UVRAG: variants seen among roughly 807,000 people sequenced by gnomAD.
UVRAG encodes UV radiation resistance associated.
A neutral mutation model predicts 78.0 loss-of-function variants in UVRAG; 19 were observed. That is an observed-to-expected ratio of 0.24 (90% CI 0.17 to 0.36). The LOEUF (loss-of-function observed/expected upper bound fraction) is 0.36, where lower values mean the gene tolerates loss of function less well. Ranked by LOEUF, UVRAG falls within the 10% of genes least tolerant of loss-of-function variation. UVRAG has a pLI of 1.00. For synonymous variants in UVRAG, 323 were observed against 324.6 expected (o/e 1.00, Z 0.05); for missense variants, 740 against 853.8 (o/e 0.87, Z 1.66).
intron 1 of UVRAG, among the ~76,000 whole-genome samples, chr11:75,832,981 G>A (rs1039478032): frequency 1.3e-5 from 2 of 152,156 alleles, no homozygotes; most frequent in African/African-American, 4.8e-5. Flanking sequence ...TCATACCAGT[G>A]TCACAGAGAA....
intron 12 of UVRAG, among the ~76,000 whole-genome samples, chr11:76,058,534 CA>C (rs71471400): frequency 1.1e-3 from 125 of 111,312 alleles, no homozygotes; most frequent in Admixed American, 1.9e-3. Context: ...ACCCTATCTC[CA>C]AAAAAAAAAA....
At chr11:76,041,693 A>T (rs1950650707) in intron 12 of UVRAG, among the ~76,000 whole-genome samples, 1 of 152,184 alleles carries the variant, frequency 6.6e-6, no homozygotes, top group South Asian at 2.1e-4. Context: ...TGTAACCTGG[A>T]TCCATATAGG....
chr11:75,976,263 G>A (rs907178192), intron 7 of UVRAG, among the ~76,000 whole-genome samples: 2 of 152,180 alleles, frequency 1.3e-5, no homozygotes, highest in African/African-American at 2.4e-5. Context: ...GCTGGATTCA[G>A]TTTGCCAGTG....
chr11:76,008,017 C>T (rs763093741), intron 10 of UVRAG, among the ~76,000 whole-genome samples: 4 of 152,074 alleles, frequency 2.6e-5, no homozygotes, highest in Non-Finnish European at 5.9e-5. Context: ...ACGCCATTCT[C>T]CTGCCTCAGC....
At chr11:75,875,508 T>G (rs1946750858) in intron 3 of UVRAG, among the ~76,000 whole-genome samples, 1 of 152,024 alleles carries the variant, frequency 6.6e-6, no homozygotes, top group African/African-American at 2.4e-5. Flanking sequence ...AAATTGCTAC[T>G]TATCTCTTTA....
At chr11:75,856,242 A>G (rs1040647593) in intron 2 of UVRAG, among the ~76,000 whole-genome samples, 2 of 152,110 alleles carry the variant, frequency 1.3e-5, no homozygotes, top group African/African-American at 4.8e-5. Context: ...TGACCTCGTG[A>G]TCCGCCTGCC....
At chr11:75,930,132 A>G (rs1948203825) in intron 6 of UVRAG, among the ~76,000 whole-genome samples, 3 of 152,196 alleles carry the variant, frequency 2.0e-5, no homozygotes, top group Admixed American at 1.3e-4. Context: ...TAATTCTTTC[A>G]GCAACCAGGG....
chr11:75,985,418 T>C (rs1390822265), intron 8 of UVRAG, among the ~76,000 whole-genome samples: 2 of 152,002 alleles, frequency 1.3e-5, no homozygotes, highest in Non-Finnish European at 2.9e-5. Context: ...ACTGTCTTTT[T>C]GTTTGTAAGA....
At chr11:75,903,644 C>T (rs139217591) in intron 5 of UVRAG, among the ~76,000 whole-genome samples, 2 of 152,272 alleles carry the variant, frequency 1.3e-5, no homozygotes, top group Non-Finnish European at 2.9e-5. Flanking sequence ...TCCTGCTCTA[C>T]CAGATGGAAT....
intron 3 of UVRAG, among the ~76,000 whole-genome samples, chr11:75,872,683 G>A (rs894355755): frequency 1.3e-5 from 2 of 152,054 alleles, no homozygotes; most frequent in Non-Finnish European, 2.9e-5. Flanking sequence ...CACCACTCCC[G>A]GCCTGCTGGC....
chr11:76,036,126 C>G (rs1950529658), intron 12 of UVRAG, among the ~76,000 whole-genome samples: 1 of 152,146 alleles, frequency 6.6e-6, no homozygotes, highest in Non-Finnish European at 1.5e-5. Flanking sequence ...CTCAGAATAT[C>G]TATTTAATGT....
chr11:75,910,675 A>G (rs906012636), intron 5 of UVRAG, among the ~76,000 whole-genome samples: 2 of 152,088 alleles, frequency 1.3e-5, no homozygotes, highest in Non-Finnish European at 2.9e-5. Context: ...CAATAGGGAA[A>G]GAGTAATTCA....
At chr11:75,846,025 T>G (rs1946026037) in intron 1 of UVRAG, among the ~76,000 whole-genome samples, 1 of 152,264 alleles carries the variant, frequency 6.6e-6, no homozygotes, top group African/African-American at 2.4e-5. Context: ...TTTACTTTCC[T>G]GAGATATTTG....
intron 14 of UVRAG, among the ~76,000 whole-genome samples, chr11:76,133,290 G>T (rs1952543919): frequency 6.6e-6 from 1 of 152,148 alleles, no homozygotes; most frequent in South Asian, 2.1e-4. Flanking sequence ...GAGCAGTGAG[G>T]TGCATCATCA....
chr11:75,827,846 T>G (rs1034143416), intron 1 of UVRAG, among the ~76,000 whole-genome samples: 3 of 152,166 alleles, frequency 2.0e-5, no homozygotes, highest in African/African-American at 7.2e-5. Flanking sequence ...AAAACTAAAC[T>G]TTTAAACAAT....
At chr11:75,879,047 A>G (rs556518931) in intron 3 of UVRAG, among the ~76,000 whole-genome samples, 1 of 152,328 alleles carries the variant, frequency 6.6e-6, no homozygotes, top group South Asian at 2.1e-4. Context: ...CACTTTTCAG[A>G]GAGGGTTTCG....
In UVRAG at chr11:76,142,977, T is replaced by C. The variant is rs962928859; in HGVS notation, c.*1564T>C. On this transcript the variant is annotated 3_prime_UTR_variant, in exon 15 of 15. Coordinates refer to ENST00000356136, the MANE Select transcript of UVRAG (RefSeq NM_003369.4). ...ACTCACAGGATGACTACATCACAAA[T>C]AAACCCAACTCTCAGGCAGTCGAAA... The C allele has an allele frequency of 1.3e-5, 2 of 152,192 alleles. No individual in the cohort carries two copies. Among genetic ancestry groups the C allele is most frequent in the Non-Finnish European group, 2.9e-5 (2 of 68,042 alleles). The allele number at this position is 152,192 out of a possible 1,614,324, so 9.4% of individuals were successfully genotyped here. A position where few individuals can be genotyped will look rare whatever the true frequency, so the allele number is the denominator to read the frequency against.
chr11:75,918,397 A>G (rs1252259191), intron 6 of UVRAG, among the ~76,000 whole-genome samples: 1 of 151,090 alleles, frequency 6.6e-6, no homozygotes, highest in African/African-American at 2.4e-5. Context: ...AAAAAAAAAG[A>G]TACATGAATT....
chr11:75,845,182 A>G (rs2134714158), intron 1 of UVRAG, among the ~76,000 whole-genome samples: 1 of 152,290 alleles, frequency 6.6e-6, no homozygotes, highest in Admixed American at 6.5e-5. Context: ...TAACCTTTAT[A>G]TAAGGATGTG....
Sources: gnomAD v4.1 joint callset for allele counts (sites outside exome capture counted in the v4.1 genomes callset) on GRCh38, gnomAD v4.1.1 for gene constraint, MANE v1.5 for transcripts, NCBI Gene and HGNC (gene_info 2026-07-23, HGNC 2026-07-21) for gene names.